Variants in ADGRL4 observed in about 807,000 individuals in gnomAD.
ADGRL4 encodes the protein adhesion G protein-coupled receptor L4, also known as EGF, latrophilin and seven transmembrane domain containing 1.
ADGRL4 carries 90 observed loss-of-function variants against 74.8 expected under a neutral mutation model. The observed-to-expected ratio is 1.20, with a 90% CI of 1.02 to 1.43. ADGRL4 has a LOEUF of 1.43. Ranked by LOEUF, ADGRL4 falls within the 40% of genes most tolerant of loss-of-function variation. The pLI is 0.00. For synonymous variants in ADGRL4, 311 were observed against 279.2 expected, an observed-to-expected ratio of 1.11 and a Z score of -1.14; for missense variants, 881 against 814.3, an observed-to-expected ratio of 1.08 and a Z score of -1.00.
At chr1:78,980,161 C>G (rs371598675) in intron 2 of ADGRL4, among the ~76,000 whole-genome samples, 1 of 151,698 alleles carries the variant, frequency 6.6e-6, no homozygotes, top group Non-Finnish European at 1.5e-5. Flanking sequence ...AAGACTCATG[C>G]GTGTGCACAC....
intron 12 of ADGRL4, among the ~76,000 whole-genome samples, chr1:78,916,267 C>A (rs543901192): frequency 6.6e-6 from 1 of 151,820 alleles, no homozygotes; most frequent in Admixed American, 6.6e-5. Context: ...TTCTATCATG[C>A]TACTTTTTAT....
At chr1:79,000,309 T>C (rs980057215) in intron 2 of ADGRL4, among the ~76,000 whole-genome samples, 1 of 152,172 alleles carries the variant, frequency 6.6e-6, no homozygotes, top group Non-Finnish European at 1.5e-5. Flanking sequence ...TTGTACCTGA[T>C]TAATTCTTGG....
intron 2 of ADGRL4, among the ~76,000 whole-genome samples, chr1:78,966,556 C>T (rs1650061078): frequency 2.0e-5 from 3 of 152,140 alleles, no homozygotes. Context: ...ACTGTGCCCC[C>T]ACCCTCATTG....
chr1:78,999,828 CTATCTAT>C (rs1650803649), intron 2 of ADGRL4, among the ~76,000 whole-genome samples: 2 of 150,396 alleles, frequency 1.3e-5, no homozygotes, highest in African/African-American at 4.9e-5. Flanking sequence ...ATCTATCTAT[CTATCTAT>C]CTATCTACCT....
intron 2 of ADGRL4, among the ~76,000 whole-genome samples, chr1:78,976,700 T>C (rs1352278907): frequency 6.7e-6 from 1 of 148,350 alleles, no homozygotes; most frequent in Non-Finnish European, 1.5e-5. Context: ...ACAAATTCCA[T>C]AAAAAACACA....
intron 2 of ADGRL4, among the ~76,000 whole-genome samples, chr1:78,951,780 A>G (rs1482548877): frequency 6.6e-6 from 1 of 152,210 alleles, no homozygotes; most frequent in African/African-American, 2.4e-5. Context: ...TTTATGCTTA[A>G]GACTGTCTGA....
chr1:78,958,973 C>T (rs1472818009), intron 2 of ADGRL4, among the ~76,000 whole-genome samples: 1 of 152,204 alleles, frequency 6.6e-6, no homozygotes, highest in Non-Finnish European at 1.5e-5. Context: ...CCACCAGCAA[C>T]ACGTTTATGA....
chr1:78,916,027 A>T (rs572737414), intron 12 of ADGRL4, among the ~76,000 whole-genome samples: 1 of 151,938 alleles, frequency 6.6e-6, no homozygotes, highest in South Asian at 2.1e-4. Flanking sequence ...TGTATGGGAG[A>T]TAAATTGGCT....
chr1:79,000,783 A>C (rs1157920999), intron 2 of ADGRL4, among the ~76,000 whole-genome samples: 1 of 152,154 alleles, frequency 6.6e-6, no homozygotes, highest in Non-Finnish European at 1.5e-5. Context: ...TTAGACTATA[A>C]TCTCTTAAAG....
At chr1:78,996,179 T>C (rs1358657964) in intron 2 of ADGRL4, among the ~76,000 whole-genome samples, 3 of 152,168 alleles carry the variant, frequency 2.0e-5, no homozygotes, top group African/African-American at 7.2e-5. Flanking sequence ...TGACAGAAAC[T>C]TTCTTGCAGT....
At chr1:78,976,700 TA>T (rs1650290123) in intron 2 of ADGRL4, among the ~76,000 whole-genome samples, 1 of 148,350 alleles carries the variant, frequency 6.7e-6, no homozygotes, top group Non-Finnish European at 1.5e-5. Context: ...ACAAATTCCA[TA>T]AAAAACACAA....
intron 12 of ADGRL4, among the ~76,000 whole-genome samples, chr1:78,903,922 G>A (rs1395968842): frequency 3.4e-5 from 5 of 148,964 alleles, no homozygotes; most frequent in South Asian, 4.2e-4. Flanking sequence ...GTGACACAGC[G>A]AGACTCCATA....
At chr1:79,001,941 AT>A (rs1553141075) in intron 2 of ADGRL4, among the ~76,000 whole-genome samples, 1 of 152,038 alleles carries the variant, frequency 6.6e-6, no homozygotes, top group Non-Finnish European at 1.5e-5. Flanking sequence ...TGTGATGGTT[AT>A]TTAAAAAAAT....
chr1:78,900,785 A>C (rs1475112376), intron 12 of ADGRL4, among the ~76,000 whole-genome samples: 4 of 152,224 alleles, frequency 2.6e-5, no homozygotes, highest in African/African-American at 7.2e-5. Flanking sequence ...GAGTCAATTA[A>C]ACCTCTTCTC....
intron 2 of ADGRL4, among the ~76,000 whole-genome samples, chr1:78,970,502 T>A (rs1327668702): frequency 2.0e-5 from 3 of 152,130 alleles, no homozygotes; most frequent in Non-Finnish European, 4.4e-5. Context: ...TGCAAGCCAC[T>A]TTGGCACCAA....
intron 12 of ADGRL4, among the ~76,000 whole-genome samples, chr1:78,896,355 C>A (rs777347577): frequency 3.3e-5 from 5 of 152,110 alleles, no homozygotes; most frequent in African/African-American, 4.8e-5. Context: ...TCTGTTTTGT[C>A]TGTCCTTTGG....
At position 78,890,959 on chromosome 1, in the gene ADGRL4, T is replaced by A; in HGVS notation, c.*195A>T. 1 of 590,260 alleles carries A rather than the reference T, an allele frequency of 1.7e-6. No homozygotes were observed. Among genetic ancestry groups the A allele is most frequent in the Non-Finnish European group, 3.1e-6 (1 of 327,788 alleles). 36.6% of individuals were successfully genotyped at this position (590,260 alleles called of 1,614,324 possible). Reference sequence around the variant, plus strand: ...CAGAACTATTTCACATAGAAAAACATAGTATATCTATATGATACATAATTT... The same window carrying A: ...CAGAACTATTTCACATAGAAAAACAAAGTATATCTATATGATACATAATTT... On this transcript the variant is annotated 3_prime_UTR_variant, in exon 15 of 15. Coordinates refer to ENST00000370742, the MANE Select transcript of ADGRL4 (RefSeq NM_022159.4).
intron 2 of ADGRL4, among the ~76,000 whole-genome samples, chr1:78,979,658 T>C (rs1013836545): frequency 2.0e-5 from 3 of 151,806 alleles, no homozygotes; most frequent in Non-Finnish European, 1.5e-5. Context: ...TAAGTGCCCA[T>C]CAGCCAATGA....
At position 78,989,721 on chromosome 1, in the gene ADGRL4, T is replaced by C. The variant is rs56393849; in HGVS notation, c.172+15349A>G. Among the ~76,000 whole-genome samples the C allele has an allele frequency of 9.1e-3, 1,386 of 152,048 alleles. 12 individuals are homozygous for C. Among genetic ancestry groups the C allele is most frequent in the Non-Finnish European group, 0.012 (818 of 67,868 alleles). On this transcript the variant is annotated intron_variant, in intron 2 of 14. Transcript: ENST00000370742. ...ATGGTTTGGGAAAGTAGAAAGAGACTGAACCCATCAAAAACAATTTTGTCA... is the reference window on the plus strand; with the variant it reads ...ATGGTTTGGGAAAGTAGAAAGAGACCGAACCCATCAAAAACAATTTTGTCA...
Sources: gnomAD v4.1 joint callset for allele counts (sites outside exome capture counted in the v4.1 genomes callset) on GRCh38, gnomAD v4.1.1 for gene constraint, MANE v1.5 for transcripts, NCBI Gene and HGNC (gene_info 2026-07-23, HGNC 2026-07-21) for gene names.